The following KAZN variants were observed in gnomAD, a reference collection of about 807,000 sequenced individuals.
KAZN encodes the protein kazrin.
KAZN carries 40 observed loss-of-function variants against 87.4 expected under a neutral mutation model. The ratio of observed to expected loss-of-function variants is 0.46; its 90% CI spans 0.36 to 0.60. The LOEUF (loss-of-function observed/expected upper bound fraction) is 0.60, where lower values mean the gene tolerates loss of function less well. Ranked by LOEUF, KAZN falls within the 20% of genes least tolerant of loss-of-function variation. The pLI, the probability that KAZN is intolerant of heterozygous loss-of-function variation, is 0.00. For synonymous variants in KAZN, 466 were observed against 458.3 expected (o/e 1.02, Z -0.22); for missense variants, 898 against 1,073.9 (o/e 0.84, Z 2.29).
At chr1:14,864,435 G>A (rs766189721) in intron 1 of KAZN, among the ~76,000 whole-genome samples, 32 of 152,254 alleles carry the variant, frequency 2.1e-4, no homozygotes, top group African/African-American at 7.0e-4. Context: ...TGGGGTGGGC[G>A]CCTGTAATTC....
intron 1 of KAZN, among the ~76,000 whole-genome samples, chr1:14,847,250 G>A (rs552694781): frequency 5.9e-5 from 9 of 152,240 alleles, no homozygotes; most frequent in East Asian, 1.9e-4. Context: ...GCCTGGGCCC[G>A]CCAAGGGCTT....
intron 1 of KAZN, among the ~76,000 whole-genome samples, chr1:14,706,489 A>G (rs921030628): frequency 6.6e-5 from 10 of 152,052 alleles, no homozygotes; most frequent in Non-Finnish European, 1.5e-4. Context: ...GAATGTTCCC[A>G]ACACAAAAAA....
chr1:14,067,264 A>G lies in KAZN; in HGVS notation c.92-113171A>G, dbSNP rs1415916273. Among the ~76,000 whole-genome samples the G allele has an allele frequency of 2.0e-5, 3 of 152,164 alleles. No homozygotes were observed. The East Asian group carries it at 5.8e-4, about 29-fold the overall frequency. Reference sequence around the variant, plus strand: ...TGAGTCTACGTTTGTTGAACAAGTGAAAGAACTCTTTCATGTTCTTCCCCT... The same window carrying G: ...TGAGTCTACGTTTGTTGAACAAGTGGAAGAACTCTTTCATGTTCTTCCCCT... On this transcript the variant is annotated intron_variant, in intron 1 of 16. Transcript: ENST00000636203.
intron 2 of KAZN, among the ~76,000 whole-genome samples, chr1:14,451,581 A>C (rs1667278051): frequency 8.3e-6 from 1 of 120,236 alleles, no homozygotes; most frequent in Non-Finnish European, 1.9e-5. Flanking sequence ...CAGCAGTTTC[A>C]GAAAGAGAGA....
intron 1 of KAZN, among the ~76,000 whole-genome samples, chr1:14,789,760 C>CAAAAAAAAAAAAAAAAAAAAAAAAAAAA (rs3032757): frequency 2.2e-5 from 1 of 46,234 alleles, no homozygotes; most frequent in African/African-American, 8.3e-5. Flanking sequence ...TCCTCATTAC[C>CAAAAAAAAAAAAAAAAAAAAAAAAAAAA]AAAAAAAAAA....
At chr1:14,867,732 C>CT (rs1170395261) in intron 1 of KAZN, among the ~76,000 whole-genome samples, 1 of 125,434 alleles carries the variant, frequency 8.0e-6, no homozygotes, top group Non-Finnish European at 1.7e-5. Flanking sequence ...ACACCCCCCC[C>CT]CCCACCCTGG....
At chr1:14,353,514 C>T (rs563078721) in intron 2 of KAZN, among the ~76,000 whole-genome samples, 19 of 152,224 alleles carry the variant, frequency 1.2e-4, no homozygotes, top group South Asian at 4.2e-4. Context: ...CCACCGCGCC[C>T]GGCCGACGTC....
intron 2 of KAZN, among the ~76,000 whole-genome samples, chr1:14,327,799 T>C (rs1369006924): frequency 2.0e-5 from 3 of 152,142 alleles, no homozygotes; most frequent in Non-Finnish European, 2.9e-5. Flanking sequence ...GCATTCTCCA[T>C]ACTAAATTCA....
chr1:14,782,574 A>AAAAAG (rs1645389344), intron 1 of KAZN, among the ~76,000 whole-genome samples: 6 of 150,708 alleles, frequency 4.0e-5, no homozygotes, highest in East Asian at 1.9e-4. Context: ...AAAAAAAAAA[A>AAAAAG]AAAAGAAAAG....
intron 2 of KAZN, among the ~76,000 whole-genome samples, chr1:14,973,533 A>G (rs915014939): frequency 6.6e-6 from 1 of 151,432 alleles, no homozygotes; most frequent in Non-Finnish European, 1.5e-5. Context: ...TGAACATTTG[A>G]TTTTTTTTTA....
At chr1:15,112,200 C>T in intron 13 of KAZN, 2 of 563,990 alleles carry the variant, frequency 3.5e-6, no homozygotes, top group Non-Finnish European at 3.2e-6. Flanking sequence ...GCCTCCTTTC[C>T]CTGTAATGCT....
intron 1 of KAZN, among the ~76,000 whole-genome samples, chr1:14,922,340 G>A (rs762984008): frequency 7.9e-5 from 12 of 152,144 alleles, no homozygotes; most frequent in Non-Finnish European, 1.3e-4. Flanking sequence ...CCGCTCTCGG[G>A]TGCTCAGAGT....
intron 2 of KAZN, among the ~76,000 whole-genome samples, chr1:14,370,682 T>C (rs896991402): frequency 2.0e-5 from 3 of 152,130 alleles, no homozygotes; most frequent in African/African-American, 7.2e-5. Flanking sequence ...TGAAGTTAAT[T>C]TGTATCTTCT....
chr1:14,280,355 A>T (rs1270347150), intron 2 of KAZN, among the ~76,000 whole-genome samples: 1 of 121,392 alleles, frequency 8.2e-6, no homozygotes, highest in Non-Finnish European at 1.6e-5. Flanking sequence ...TGGGTGACAG[A>T]GTGAGACTCC....
chr1:14,595,032 C>T (rs1246923226), upstream of KAZN, among the ~76,000 whole-genome samples: 3 of 152,084 alleles, frequency 2.0e-5, no homozygotes, highest in Non-Finnish European at 4.4e-5. Flanking sequence ...GTAACCCCAG[C>T]TACTCGGGAG....
chr1:14,154,756 T>G lies in KAZN; in HGVS notation c.92-25679T>G, dbSNP rs544451203. On this transcript the variant is annotated intron_variant, in intron 1 of 16. Transcript: ENST00000636203. ...TTCAGCATCCATTGAAATAATTATA[T>G]GGTTTTTGTCCTTCATTCTGGTGAC... is the stretch of plus-strand genomic sequence containing the variant. Among the ~76,000 whole-genome samples, 18 of 152,354 alleles carry G rather than the reference T, an allele frequency of 1.2e-4. No individual in the cohort carries two copies. The South Asian group carries it at 2.5e-3, about 21-fold the overall frequency.
chr1:14,284,996 C>G lies in KAZN; in HGVS notation c.249+104404C>G, dbSNP rs138040460. Among the ~76,000 whole-genome samples, 460 of 152,262 alleles carry G rather than the reference C, an allele frequency of 3.0e-3. 2 individuals carry two copies. The highest frequency in any genetic ancestry group is 0.01 in the African/African-American group (435 of 41,544). ...CCCCCTACTCTCCAGAGAACATGGA[C>G]GTACTTTTCCTCCCCCTGGGTTGCT... On this transcript the variant is annotated intron_variant, in intron 2 of 16. Transcript: ENST00000636203.
At chr1:14,835,776 C>G (rs1647218633) in intron 1 of KAZN, among the ~76,000 whole-genome samples, 1 of 152,120 alleles carries the variant, frequency 6.6e-6, no homozygotes, top group African/African-American at 2.4e-5. Flanking sequence ...GGCCTGGACT[C>G]TTTCCCTGGC....
intron 2 of KAZN, among the ~76,000 whole-genome samples, chr1:15,033,773 C>G (rs1573122397): frequency 6.6e-6 from 1 of 152,174 alleles, no homozygotes; most frequent in Admixed American, 6.5e-5. Context: ...GAGTCTCGCT[C>G]TCTCACCCAG....
Sources: gnomAD v4.1 joint callset for allele counts (sites outside exome capture counted in the v4.1 genomes callset) on GRCh38, gnomAD v4.1.1 for gene constraint, MANE v1.5 for transcripts, NCBI Gene and HGNC (gene_info 2026-07-23, HGNC 2026-07-21) for gene names.